Variants in SPIN1 observed in about 807,000 individuals in gnomAD.
SPIN1 encodes spindlin 1.
Under a neutral mutation model 26.0 loss-of-function variants are expected in SPIN1, and 3 were observed. The observed-to-expected ratio is 0.12, with a 90% CI of 0.05 to 0.30. SPIN1 has a LOEUF of 0.30. Ranked by LOEUF, SPIN1 falls within the 10% of genes least tolerant of loss-of-function variation. SPIN1 has a pLI of 1.00. For missense variants in SPIN1, 126 were observed against 333.4 expected, an observed-to-expected ratio of 0.38 and a Z score of 4.84; for synonymous variants, 101 against 116.5, an observed-to-expected ratio of 0.87 and a Z score of 0.86.
chr9:88,455,216 A>G (rs911146959), intron 3 of SPIN1, among the ~76,000 whole-genome samples: 4 of 152,318 alleles, frequency 2.6e-5, no homozygotes, highest in East Asian at 1.9e-4. Flanking sequence ...TGTAATCCCA[A>G]CACTTCAGGA....
intron 1 of SPIN1, among the ~76,000 whole-genome samples, chr9:88,406,983 A>C (rs1380033971): frequency 2.0e-5 from 3 of 151,954 alleles, no homozygotes; most frequent in African/African-American, 7.3e-5. Context: ...ATTTACCCAC[A>C]AAATTTATCC....
At chr9:88,432,089 C>G (rs1487192048) in intron 2 of SPIN1, among the ~76,000 whole-genome samples, 2 of 151,978 alleles carry the variant, frequency 1.3e-5, no homozygotes, top group Non-Finnish European at 2.9e-5. Context: ...CTTTAACTGT[C>G]TCCTGTTTTT....
chr9:88,448,900 T>C, intron 2 of SPIN1, 41 bp from the exon 3 acceptor site: 3 of 1,598,712 alleles, frequency 1.9e-6, no homozygotes, highest in Middle Eastern at 3.3e-4. Context: ...AGGTATTCTT[T>C]TATCTGGTTT....
chr9:88,474,875 C>T (rs1448014316), intron 5 of SPIN1, among the ~76,000 whole-genome samples: 1 of 152,074 alleles, frequency 6.6e-6, no homozygotes, highest in Non-Finnish European at 1.5e-5. Flanking sequence ...GGACAGAGAC[C>T]ATATGACCCT....
chr9:88,417,708 A>G (rs1203924638), intron 1 of SPIN1, among the ~76,000 whole-genome samples: 1 of 152,048 alleles, frequency 6.6e-6, no homozygotes, highest in African/African-American at 2.4e-5. Context: ...CCTGACCTCA[A>G]GTGATCCGCT....
intron 2 of SPIN1, 137 bp downstream of exon 2, chr9:88,426,728 A>C: frequency 1.7e-6 from 1 of 582,112 alleles, no homozygotes; most frequent in Admixed American, 3.6e-5. Flanking sequence ...ACATATGCAT[A>C]TATTAAGAAG....
chr9:88,393,542 C>T (rs1181527021), intron 1 of SPIN1, among the ~76,000 whole-genome samples: 2 of 149,360 alleles, frequency 1.3e-5, no homozygotes, highest in African/African-American at 4.9e-5. Flanking sequence ...GCACCCTCCA[C>T]CTCCCGGGAG....
At chr9:88,447,622 G>A (rs567558041) in intron 2 of SPIN1, among the ~76,000 whole-genome samples, 11 of 152,172 alleles carry the variant, frequency 7.2e-5, no homozygotes, top group Non-Finnish European at 1.3e-4. Context: ...TGACTTCTCA[G>A]AATTATGTGC....
chr9:88,392,613 T>C (rs1826951392), intron 1 of SPIN1, among the ~76,000 whole-genome samples: 1 of 152,018 alleles, frequency 6.6e-6, no homozygotes, highest in African/African-American at 2.4e-5. Flanking sequence ...CCCTCCTTCC[T>C]TCCTTCTTTC....
intron 5 of SPIN1, among the ~76,000 whole-genome samples, chr9:88,471,509 G>A (rs1285343360): frequency 6.6e-6 from 1 of 151,684 alleles, no homozygotes; most frequent in African/African-American, 2.4e-5. Flanking sequence ...CTAAAAATTA[G>A]CCAGGTGTGG....
At chr9:88,410,868 G>C in intron 1 of SPIN1, 1 of 940,984 alleles carries the variant, frequency 1.1e-6, no homozygotes. Flanking sequence ...CACGTTTCCA[G>C]AATCACTTAG....
chr9:88,453,621 G>A (rs1828406894), intron 3 of SPIN1, among the ~76,000 whole-genome samples: 1 of 152,010 alleles, frequency 6.6e-6, no homozygotes, highest in African/African-American at 2.4e-5. Context: ...CCACCTCCTG[G>A]GTTCAAGCGA....
At chr9:88,445,787 C>G (rs1044139272) in intron 2 of SPIN1, among the ~76,000 whole-genome samples, 9 of 151,842 alleles carry the variant, frequency 5.9e-5, no homozygotes, top group Admixed American at 5.3e-4. Context: ...CATCCACCAG[C>G]CTTGGCCTCT....
intron 3 of SPIN1, among the ~76,000 whole-genome samples, chr9:88,455,887 G>GC (rs779186340): frequency 1.8e-4 from 28 of 152,296 alleles, no homozygotes; most frequent in Middle Eastern, 3.4e-3. Flanking sequence ...AGGCTATAAA[G>GC]CAAGAGGATT....
intron 2 of SPIN1, 77 bp from the exon 3 acceptor site, chr9:88,448,864 C>A (rs1340536136): frequency 1.4e-6 from 2 of 1,409,560 alleles, no homozygotes; most frequent in Non-Finnish European, 2.0e-6. Flanking sequence ...AGCAGTTTTT[C>A]AGAAGTTAAG....
At chr9:88,423,508 G>A (rs1827710330) in intron 1 of SPIN1, among the ~76,000 whole-genome samples, 2 of 151,760 alleles carry the variant, frequency 1.3e-5, no homozygotes, top group Admixed American at 6.6e-5. Context: ...GTGCGATCTC[G>A]GCTCACTCTA....
At chr9:88,454,491 G>A (rs1271193438) in intron 3 of SPIN1, among the ~76,000 whole-genome samples, 1 of 151,844 alleles carries the variant, frequency 6.6e-6, no homozygotes, top group Non-Finnish European at 1.5e-5. Flanking sequence ...GTTATTAATA[G>A]TGTTTTTTTA....
At chr9:88,432,119 A>G (rs1827888824) in intron 2 of SPIN1, among the ~76,000 whole-genome samples, 3 of 151,566 alleles carry the variant, frequency 2.0e-5, no homozygotes, top group South Asian at 4.2e-4. Flanking sequence ...TCTGAAATGC[A>G]TGCTACTTGG....
At chr9:88,406,116 C>T (rs1333958085) in intron 1 of SPIN1, among the ~76,000 whole-genome samples, 3 of 151,654 alleles carry the variant, frequency 2.0e-5, no homozygotes, top group Non-Finnish European at 4.4e-5. Flanking sequence ...AGTAATCTGC[C>T]CACCTTGGCC....
Sources: allele counts gnomAD v4.1 joint callset (sites outside exome capture counted in the v4.1 genomes callset), GRCh38; gene constraint gnomAD v4.1.1; transcripts MANE v1.5; gene names NCBI Gene and HGNC (gene_info 2026-07-23, HGNC 2026-07-21).